The following FAM135B variants were observed in gnomAD, a reference collection of about 807,000 sequenced individuals.
The protein encoded by FAM135B is protein FAM135B.
A neutral mutation model predicts 127.7 loss-of-function variants in FAM135B; 43 were observed. The ratio of observed to expected loss-of-function variants is 0.34; its 90% confidence interval spans 0.26 to 0.43. FAM135B has a LOEUF of 0.43. Among genes scored for constraint, FAM135B ranks in the 20% least tolerant of loss-of-function variants. The pLI, the probability that FAM135B is intolerant of heterozygous loss-of-function variation, is 1.00. For missense variants in FAM135B, 1,558 were observed against 1,725.6 expected (o/e 0.90, Z 1.72); for synonymous variants, 670 against 665.1 (o/e 1.01, Z -0.11).
chr8:138,353,367 A>G (rs890068207), intron 2 of FAM135B, among the ~76,000 whole-genome samples: 3 of 152,224 alleles, frequency 2.0e-5, no homozygotes, highest in Non-Finnish European at 4.4e-5. Flanking sequence ...CTGAGCTGAT[A>G]TCAGGATCCT....
intron 1 of FAM135B, among the ~76,000 whole-genome samples, chr8:138,396,899 A>T (rs1208173793): frequency 6.6e-6 from 1 of 152,196 alleles, no homozygotes; most frequent in Non-Finnish European, 1.5e-5. Context: ...CGTGCCCCTA[A>T]TTATGTATCC....
At chr8:138,341,040 C>G (rs1430010606) in intron 2 of FAM135B, among the ~76,000 whole-genome samples, 1 of 152,158 alleles carries the variant, frequency 6.6e-6, no homozygotes, top group African/African-American at 2.4e-5. Flanking sequence ...AAACAAAGTA[C>G]TCAAGAATTG....
chr8:138,184,251 G>A (rs1211136500), intron 9 of FAM135B, among the ~76,000 whole-genome samples: 1 of 152,172 alleles, frequency 6.6e-6, no homozygotes, highest in Non-Finnish European at 1.5e-5. Flanking sequence ...AGGAGGGCTG[G>A]GGCACCTCAG....
intron 2 of FAM135B, among the ~76,000 whole-genome samples, chr8:138,351,306 C>G (rs1798401174): frequency 6.6e-6 from 1 of 152,112 alleles, no homozygotes; most frequent in East Asian, 1.9e-4. Flanking sequence ...TTAGGGTGGT[C>G]CCTGATCCAA....
chr8:138,447,726 G>T (rs1364076544), intron 1 of FAM135B, among the ~76,000 whole-genome samples: 1 of 151,600 alleles, frequency 6.6e-6, no homozygotes, highest in African/African-American at 2.4e-5. Flanking sequence ...GTTAATGGGT[G>T]CAGCACACCA....
chr8:138,391,267 C>T (rs1832555614), intron 1 of FAM135B, among the ~76,000 whole-genome samples: 1 of 152,066 alleles, frequency 6.6e-6, no homozygotes, highest in South Asian at 2.1e-4. Flanking sequence ...TGTCTTATTG[C>T]CAGTGGGGGG....
intron 1 of FAM135B, among the ~76,000 whole-genome samples, chr8:138,417,721 AC>A (rs1834249424): frequency 6.6e-6 from 1 of 152,180 alleles, no homozygotes; most frequent in Non-Finnish European, 1.5e-5. Context: ...TAAGCCTTGG[AC>A]CCCTGAAATC....
intron 1 of FAM135B, among the ~76,000 whole-genome samples, chr8:138,406,912 C>T (rs1833538157): frequency 6.6e-6 from 1 of 151,252 alleles, no homozygotes. Flanking sequence ...CTGGCCAGGG[C>T]AATTAGGCAG....
intron 2 of FAM135B, among the ~76,000 whole-genome samples, chr8:138,341,938 A>G (rs1587155651): frequency 6.6e-6 from 1 of 151,994 alleles, no homozygotes; most frequent in Non-Finnish European, 1.5e-5. Context: ...ACTACTCTAT[A>G]TACTATTTTA....
intron 2 of FAM135B, among the ~76,000 whole-genome samples, chr8:138,315,620 T>TAC (rs759657004): frequency 2.5e-4 from 37 of 150,544 alleles, no homozygotes; most frequent in East Asian, 5.8e-4. Context: ...CATATCAATG[T>TAC]ACACACACAC....
intron 1 of FAM135B, among the ~76,000 whole-genome samples, chr8:138,493,141 C>T (rs1202397984): frequency 6.6e-6 from 1 of 152,186 alleles, no homozygotes; most frequent in African/African-American, 2.4e-5. Context: ...TGTGCAGCCA[C>T]CTAGAAATTA....
rs772430177 is a variant in FAM135B, at chr8:138,177,397, G to A, written c.1053C>T (p.Phe351=). ...TLRVRRFSEA[F]FYMEHQKLAV... ...CAAGTTTTTGGTGCTCCATGTAAAA[G>A]AAGGCCTCAGAAAACCTTCGGACCT... The change falls in exon 11 of 20, where the codon TTC becomes TTT. Residue 351 remains phenylalanine, a synonymous_variant. Transcript: ENST00000395297. 1 of 1,613,518 alleles carries A rather than the reference G, an allele frequency of 6.2e-7. No homozygotes were observed. The highest frequency in any genetic ancestry group is 1.7e-5 in the Admixed American group (1 of 60,000).
At chr8:138,331,234 A>G (rs1280906395) in intron 2 of FAM135B, among the ~76,000 whole-genome samples, 1 of 152,200 alleles carries the variant, frequency 6.6e-6, no homozygotes, top group East Asian at 1.9e-4. Context: ...TCACAGACAC[A>G]TTATTTGGAA....
intron 1 of FAM135B, among the ~76,000 whole-genome samples, chr8:138,372,182 C>T (rs1166203603): frequency 6.6e-6 from 1 of 152,216 alleles, no homozygotes; most frequent in East Asian, 1.9e-4. Context: ...CACAGCAGGT[C>T]ATCTCAACCT....
chr8:138,240,693 A>G (rs1399783445), intron 7 of FAM135B, among the ~76,000 whole-genome samples: 1 of 152,174 alleles, frequency 6.6e-6, no homozygotes, highest in Admixed American at 6.5e-5. Flanking sequence ...AAGAGAAAGT[A>G]TTTCTTTTTA....
intron 1 of FAM135B, among the ~76,000 whole-genome samples, chr8:138,476,543 C>T (rs1009636180): frequency 3.3e-5 from 5 of 150,582 alleles, no homozygotes; most frequent in African/African-American, 1.2e-4. Flanking sequence ...CTATTAAAAA[C>T]AGAAAAGGAA....
intron 1 of FAM135B, among the ~76,000 whole-genome samples, chr8:138,387,839 G>A (rs1004381366): frequency 6.6e-6 from 1 of 152,004 alleles, no homozygotes; most frequent in African/African-American, 2.4e-5. Flanking sequence ...TTCACTAGTG[G>A]TCTCCCTGCC....
chr8:138,359,490 A>T (rs185659448), intron 2 of FAM135B, among the ~76,000 whole-genome samples: 1 of 152,308 alleles, frequency 6.6e-6, no homozygotes, highest in Non-Finnish European at 1.5e-5. Context: ...TCGTAATGTT[A>T]AACTTGAAGG....
At chr8:138,348,787 T>C (rs777416564) in intron 2 of FAM135B, among the ~76,000 whole-genome samples, 4 of 152,252 alleles carry the variant, frequency 2.6e-5, no homozygotes, top group Non-Finnish European at 5.9e-5. Context: ...GATCACAAAA[T>C]TGTGCTTGCA....
Sources: gnomAD v4.1 joint callset for allele counts (sites outside exome capture counted in the v4.1 genomes callset) on GRCh38, gnomAD v4.1.1 for gene constraint, MANE v1.5 for transcripts, NCBI Gene and HGNC (gene_info 2026-07-23, HGNC 2026-07-21) for gene names.